Variants in KCNH8 observed in about 807,000 individuals in gnomAD.
The protein encoded by KCNH8 is potassium voltage-gated channel subfamily H member 8.
Under a neutral mutation model 103.6 loss-of-function variants are expected in KCNH8, and 70 were observed. That is an observed-to-expected ratio of 0.68 (90% CI 0.56 to 0.82). The LOEUF (loss-of-function observed/expected upper bound fraction) is 0.82. Among genes scored for constraint, KCNH8 ranks in the 40% least tolerant of loss-of-function variants. KCNH8 has a pLI of 0.00. For synonymous variants in KCNH8, 498 were observed against 489.4 expected, an observed-to-expected ratio of 1.02 and a Z score of -0.23; for missense variants, 1,217 against 1,329.9, an observed-to-expected ratio of 0.92 and a Z score of 1.32.
At chr3:19,238,159 T>G (rs559284035) in intron 1 of KCNH8, among the ~76,000 whole-genome samples, 1 of 152,324 alleles carries the variant, frequency 6.6e-6, no homozygotes, top group African/African-American at 2.4e-5. Context: ...CATCTTAGTA[T>G]TAGTTCTTTT....
Position 19,308,168 on chromosome 3 carries a change from T to G in KCNH8, c.442+26839T>G, listed in dbSNP as rs543157431. ...TAGGTACTCTATGAATATGTACAAT[T>G]ATTGTCAATTTCAATAAACTAAATT... is the stretch of plus-strand genomic sequence containing the variant. On this transcript the variant is annotated intron_variant, in intron 3 of 15. Transcript: ENST00000328405. Among the ~76,000 whole-genome samples the G allele has an allele frequency of 2.0e-5, 3 of 152,038 alleles. No individual in the cohort carries two copies. The South Asian group carries it at 6.2e-4, about 32-fold the overall frequency.
rs903474477 is a variant in KCNH8, at chr3:19,207,578, T to G, written c.77-46076T>G. 3.4e-4 allele frequency among the ~76,000 whole-genome samples: 52 copies of G among 152,026 alleles called. 1 individual carries two copies. Among genetic ancestry groups the G allele is most frequent in the Non-Finnish European group, 7.4e-5 (5 of 67,962 alleles). On this transcript the variant is annotated intron_variant, in intron 1 of 15. Transcript: ENST00000328405. Reference sequence around the variant, plus strand: ...AATTAATGCTTCTTCTTTGATCACTTTATGATAATACAAAATAATCTGTTA... The same window carrying G: ...AATTAATGCTTCTTCTTTGATCACTGTATGATAATACAAAATAATCTGTTA...
At chr3:19,525,052 T>C (rs555051866) in intron 15 of KCNH8, among the ~76,000 whole-genome samples, 10 of 151,942 alleles carry the variant, frequency 6.6e-5, no homozygotes, top group Non-Finnish European at 1.5e-4. Context: ...GTATTGTATA[T>C]CTGAAAATTG....
intron 5 of KCNH8, among the ~76,000 whole-genome samples, chr3:19,362,327 G>T (rs985436428): frequency 1.4e-5 from 2 of 144,086 alleles, no homozygotes; most frequent in Non-Finnish European, 3.2e-5. Context: ...TGACAAGACA[G>T]GGGAAGTAAA....
intron 1 of KCNH8, among the ~76,000 whole-genome samples, chr3:19,170,263 C>T (rs1436855357): frequency 1.3e-5 from 2 of 152,106 alleles, no homozygotes; most frequent in East Asian, 1.9e-4. Context: ...CCTTTCTTAA[C>T]AGTTCCCTAA....
intron 3 of KCNH8, among the ~76,000 whole-genome samples, chr3:19,299,455 C>A (rs1034824629): frequency 3.1e-4 from 47 of 152,048 alleles, no homozygotes; most frequent in African/African-American, 9.9e-4. Flanking sequence ...CATAGTGAGA[C>A]CCCCATCTCC....
chr3:19,220,201 G>T (rs999419470), intron 1 of KCNH8, among the ~76,000 whole-genome samples: 1 of 152,128 alleles, frequency 6.6e-6, no homozygotes, highest in Non-Finnish European at 1.5e-5. Flanking sequence ...TTTTCATTCT[G>T]GCGCCCAGCA....
intron 5 of KCNH8, among the ~76,000 whole-genome samples, chr3:19,386,303 T>C (rs891967433): frequency 2.6e-5 from 4 of 152,182 alleles, no homozygotes; most frequent in African/African-American, 7.2e-5. Context: ...GCAAACTGAT[T>C]ACTCTGCAAA....
chr3:19,373,899 T>A (rs1309353345), intron 5 of KCNH8, among the ~76,000 whole-genome samples: 2 of 152,150 alleles, frequency 1.3e-5, no homozygotes, highest in Non-Finnish European at 2.9e-5. Context: ...GTTGTTCAGT[T>A]TCCATGTAGT....
chr3:19,184,268 A>G (rs543226674), intron 1 of KCNH8, among the ~76,000 whole-genome samples: 1 of 152,222 alleles, frequency 6.6e-6, no homozygotes, highest in South Asian at 2.1e-4. Flanking sequence ...TCTCAAAAAC[A>G]TAATTTTGAG....
intron 1 of KCNH8, among the ~76,000 whole-genome samples, chr3:19,200,511 C>CA (rs1032125885): frequency 1.4e-5 from 2 of 144,894 alleles, no homozygotes; most frequent in Non-Finnish European, 3.0e-5. Flanking sequence ...TGATTTCCAC[C>CA]TTTTTTTTTT....
At chr3:19,291,538 A>G (rs1412508962) in intron 3 of KCNH8, among the ~76,000 whole-genome samples, 1 of 152,142 alleles carries the variant, frequency 6.6e-6, no homozygotes, top group Non-Finnish European at 1.5e-5. Flanking sequence ...TTCAGTTTCC[A>G]TGTAGTTGAG....
intron 11 of KCNH8, among the ~76,000 whole-genome samples, chr3:19,460,447 A>G (rs1216895247): frequency 6.6e-6 from 1 of 152,150 alleles, no homozygotes; most frequent in Non-Finnish European, 1.5e-5. Flanking sequence ...GGGAACATCA[A>G]TGCAGTTTAC....
At chr3:19,486,398 T>G (rs9882467) in intron 11 of KCNH8, among the ~76,000 whole-genome samples, 1 of 152,050 alleles carries the variant, frequency 6.6e-6, no homozygotes, top group Admixed American at 6.5e-5. Flanking sequence ...TACCACAGCA[T>G]GGGGGGCTTT....
chr3:19,486,607 G>A (rs1373747017), intron 11 of KCNH8, among the ~76,000 whole-genome samples: 3 of 152,136 alleles, frequency 2.0e-5, no homozygotes, highest in Non-Finnish European at 2.9e-5. Context: ...GACACATAGA[G>A]TGTAAAGGGC....
Position 19,191,606 on chromosome 3 carries a change from A to G in KCNH8, c.76+42811A>G, listed in dbSNP as rs1301542353. On this transcript the variant is annotated intron_variant, in intron 1 of 15. Coordinates refer to ENST00000328405, the MANE Select transcript of KCNH8 (RefSeq NM_144633.3). ...TCTTTTTTCTCTGTCACCTTTCTCTAGAACTCCTGTTAGATGCATGTTAGC... is the reference window on the plus strand; with the variant it reads ...TCTTTTTTCTCTGTCACCTTTCTCTGGAACTCCTGTTAGATGCATGTTAGC... 3.3e-5 allele frequency among the ~76,000 whole-genome samples: 5 copies of G among 151,726 alleles called. No homozygotes were observed. In the East Asian group the frequency reaches 7.7e-4, roughly 24 times the overall value.
intron 5 of KCNH8, among the ~76,000 whole-genome samples, chr3:19,364,575 A>T (rs1236760500): frequency 6.6e-6 from 1 of 152,142 alleles, no homozygotes; most frequent in Non-Finnish European, 1.5e-5. Flanking sequence ...ATATAGCAAT[A>T]ATTATACAAA....
chr3:19,469,877 T>TATC (rs2067819905), intron 11 of KCNH8, among the ~76,000 whole-genome samples: 1 of 152,140 alleles, frequency 6.6e-6, no homozygotes, highest in Non-Finnish European at 1.5e-5. Context: ...CCTTTATTAT[T>TATC]ATCCACCTTC....
At chr3:19,283,718 C>T (rs888368143) in intron 3 of KCNH8, among the ~76,000 whole-genome samples, 1 of 151,216 alleles carries the variant, frequency 6.6e-6, no homozygotes, top group Admixed American at 6.6e-5. Context: ...GAGTTTGATA[C>T]CAACTCGAGC....
Sources: gnomAD v4.1 joint callset for allele counts (sites outside exome capture counted in the v4.1 genomes callset) on GRCh38, gnomAD v4.1.1 for gene constraint, MANE v1.5 for transcripts, NCBI Gene and HGNC (gene_info 2026-07-23, HGNC 2026-07-21) for gene names.